KAZN: variants seen among roughly 807,000 people sequenced by gnomAD.
KAZN encodes kazrin, periplakin interacting protein.
A neutral mutation model predicts 87.4 loss-of-function variants in KAZN; 40 were observed. The observed-to-expected ratio is 0.46, with a 90% CI of 0.36 to 0.60. The LOEUF (loss-of-function observed/expected upper bound fraction) is 0.60, where lower values mean the gene tolerates loss of function less well. Among genes scored for constraint, KAZN ranks in the 20% least tolerant of loss-of-function variants. KAZN has a pLI of 0.00. For synonymous variants in KAZN, 466 were observed against 458.3 expected, an observed-to-expected ratio of 1.02 and a Z score of -0.22; for missense variants, 898 against 1,073.9, an observed-to-expected ratio of 0.84 and a Z score of 2.29.
chr1:14,365,458 C>G (rs1195132444), intron 2 of KAZN, among the ~76,000 whole-genome samples: 1 of 150,844 alleles, frequency 6.6e-6, no homozygotes, highest in Non-Finnish European at 1.5e-5. Flanking sequence ...TTAATTACAT[C>G]TGCAATGATT....
intron 2 of KAZN, among the ~76,000 whole-genome samples, chr1:14,493,327 G>A (rs1669778771): frequency 6.6e-6 from 1 of 152,234 alleles, no homozygotes; most frequent in African/African-American, 2.4e-5. Context: ...GAAGATGAAA[G>A]CAACACCTGG....
chr1:14,424,387 A>G (rs914922316), intron 2 of KAZN, among the ~76,000 whole-genome samples: 16 of 152,192 alleles, frequency 1.1e-4, no homozygotes, highest in Non-Finnish European at 2.2e-4. Flanking sequence ...TACAGCAAGT[A>G]ACAGCACCAG....
At chr1:14,672,229 A>C (rs778315233) in intron 1 of KAZN, among the ~76,000 whole-genome samples, 29 of 152,192 alleles carry the variant, frequency 1.9e-4, no homozygotes, top group Non-Finnish European at 3.4e-4. Context: ...TGGGAAACAA[A>C]AGCCCACTCC....
At chr1:14,003,498 CAT>C (rs942538794) in intron 1 of KAZN, among the ~76,000 whole-genome samples, 2 of 151,676 alleles carry the variant, frequency 1.3e-5, no homozygotes, top group African/African-American at 2.4e-5. Flanking sequence ...TATTTAAAAA[CAT>C]AGTAATAAGA....
At chr1:14,198,572 C>T (rs1646576513) in intron 2 of KAZN, among the ~76,000 whole-genome samples, 2 of 152,150 alleles carry the variant, frequency 1.3e-5, no homozygotes, top group South Asian at 2.1e-4. Context: ...TGCACTCTAG[C>T]CTGGGTGACA....
At chr1:14,525,723 T>C (rs2148471524) in intron 2 of KAZN, among the ~76,000 whole-genome samples, 2 of 152,346 alleles carry the variant, frequency 1.3e-5, no homozygotes, top group East Asian at 3.9e-4. Flanking sequence ...ACCAGATCAA[T>C]CCACAAAAGT....
intron 1 of KAZN, among the ~76,000 whole-genome samples, chr1:14,917,414 A>G (rs1302053105): frequency 6.6e-6 from 1 of 152,158 alleles, no homozygotes; most frequent in Non-Finnish European, 1.5e-5. Flanking sequence ...AGCCCCCAGG[A>G]GTGGACGGAG....
chr1:14,533,248 A>G (rs911705155), intron 2 of KAZN, among the ~76,000 whole-genome samples: 5 of 152,206 alleles, frequency 3.3e-5, no homozygotes, highest in African/African-American at 1.2e-4. Context: ...GGATAAACAC[A>G]GTACCCCAGG....
chr1:14,255,895 G>A (rs1190511402), intron 2 of KAZN, among the ~76,000 whole-genome samples: 2 of 152,196 alleles, frequency 1.3e-5, no homozygotes, highest in African/African-American at 4.8e-5. Flanking sequence ...GCACTGCTGT[G>A]TTATGCTGCC....
intron 2 of KAZN, among the ~76,000 whole-genome samples, chr1:14,217,593 AG>A (rs1646986854): frequency 6.6e-6 from 1 of 152,112 alleles, no homozygotes; most frequent in African/African-American, 2.4e-5. Flanking sequence ...ACGTATAATA[AG>A]GGCTCCAAAG....
chr1:14,499,046 C>T (rs1433540740), intron 2 of KAZN, among the ~76,000 whole-genome samples: 1 of 152,118 alleles, frequency 6.6e-6, no homozygotes, highest in East Asian at 1.9e-4. Flanking sequence ...GGTACCATTG[C>T]TTTTCTGCCA....
chr1:14,323,899 T>C (rs1214896450), intron 2 of KAZN, among the ~76,000 whole-genome samples: 1 of 152,310 alleles, frequency 6.6e-6, no homozygotes, highest in East Asian at 1.9e-4. Context: ...TCTTACTTAG[T>C]GTTTGGAGTT....
chr1:14,147,469 G>A (rs754426962), intron 1 of KAZN, among the ~76,000 whole-genome samples: 3 of 152,146 alleles, frequency 2.0e-5, no homozygotes, highest in Non-Finnish European at 2.9e-5. Context: ...GATAATAGAA[G>A]CTACCTCTTA....
intron 2 of KAZN, among the ~76,000 whole-genome samples, chr1:14,973,340 T>C (rs1056408871): frequency 6.6e-6 from 1 of 152,168 alleles, no homozygotes; most frequent in African/African-American, 2.4e-5. Flanking sequence ...AACTGAACAC[T>C]CAAACAAAGG....
chr1:14,368,632 C>T (rs933559983), intron 2 of KAZN, among the ~76,000 whole-genome samples: 2 of 152,164 alleles, frequency 1.3e-5, no homozygotes, highest in African/African-American at 4.8e-5. Context: ...GTGATGCCTC[C>T]TCCCTCCTAA....
chr1:15,110,499 G>GTA (rs1455806710), intron 13 of KAZN, among the ~76,000 whole-genome samples: 6,300 of 149,428 alleles, frequency 0.042, 167 homozygotes, highest in Middle Eastern at 0.07. Context: ...GTATGTATGT[G>GTA]TGTGTATTTG....
chr1:14,427,182 C>T (rs1318442349), intron 2 of KAZN, among the ~76,000 whole-genome samples: 1 of 152,152 alleles, frequency 6.6e-6, no homozygotes, highest in Non-Finnish European at 1.5e-5. Flanking sequence ...CAGGGTAGGA[C>T]CTCAAATGTC....
At chr1:13,903,229 G>T (rs893939401) in intron 1 of KAZN, among the ~76,000 whole-genome samples, 2 of 152,224 alleles carry the variant, frequency 1.3e-5, no homozygotes, top group Non-Finnish European at 2.9e-5. Context: ...GAACCCACTT[G>T]TGGTTTTATG....
chr1:14,405,606 ATGTGTGTGTGTGTGTGTGTGTG>A (rs111850452), intron 2 of KAZN, among the ~76,000 whole-genome samples: 1 of 136,220 alleles, frequency 7.3e-6, no homozygotes, highest in African/African-American at 2.7e-5. Context: ...ACCCAATAAA[ATGTGTGTGTGTGTGTGTGTGTG>A]TGTGTGTGTG....
Sources: gnomAD v4.1 joint callset for allele counts (sites outside exome capture counted in the v4.1 genomes callset) on GRCh38, gnomAD v4.1.1 for gene constraint, MANE v1.5 for transcripts, NCBI Gene and HGNC (gene_info 2026-07-23, HGNC 2026-07-21) for gene names.